The following ADPGK variants were observed in gnomAD, a reference collection of about 807,000 sequenced individuals.
ADPGK encodes the protein ADP-dependent glucokinase.
Under a neutral mutation model 42.4 loss-of-function variants are expected in ADPGK, and 26 were observed. The observed-to-expected ratio is 0.61, with a 90% CI of 0.45 to 0.85. The LOEUF (loss-of-function observed/expected upper bound fraction) is 0.85. Ranked by LOEUF, ADPGK falls within the 40% of genes least tolerant of loss-of-function variation. ADPGK has a pLI of 0.00. For missense variants in ADPGK, 571 were observed against 627.0 expected, an observed-to-expected ratio of 0.91 and a Z score of 0.95; for synonymous variants, 267 against 252.6, an observed-to-expected ratio of 1.06 and a Z score of -0.54.
intron 3 of ADPGK, 140 bp downstream of exon 3, chr15:72,771,643 G>T: frequency 3.0e-6 from 2 of 660,316 alleles, no homozygotes; most frequent in Non-Finnish European, 5.1e-6. Flanking sequence ...TACTATTACT[G>T]CTTCCTAACA....
chr15:72,756,087 C>T, intron 5 of ADPGK, 164 bp downstream of exon 5: 1 of 786,624 alleles, frequency 1.3e-6, no homozygotes, highest in Non-Finnish European at 2.2e-6. Context: ...TGAAGGGATA[C>T]AGTGAGGTGC....
At position 72,752,612 on chromosome 15, in the gene ADPGK, C is replaced by A; in HGVS notation, c.1223G>T (p.Arg408Leu). Residue 408 changes from arginine (R) to leucine (L), a missense_variant, in exon 7 of 7, where the codon CGT becomes CTT. Physicochemically the swap from Arg to Leu is moderately radical, Grantham distance 102. Transcript: ENST00000456471. Reference sequence around the variant, plus strand: ...GGCGCAGGCCTGTGTCCCAGCCACACGAGCTCCTGCAGCCACGGCTGCCAG... The same window carrying A: ...GGCGCAGGCCTGTGTCCCAGCCACAAGAGCTCCTGCAGCCACGGCTGCCAG... ...NQLAAVAAGA[R>L]VAGTQACATE... is the part of the protein sequence containing the mutation. 6.2e-7 allele frequency: 1 copy of A among 1,614,234 alleles called. No individual in the cohort carries two copies. The highest frequency in any genetic ancestry group is 8.5e-7 in the Non-Finnish European group (1 of 1,180,048).
chr15:72,771,699 C>T (rs967578458), intron 3 of ADPGK, 84 bp downstream of exon 3: 18 of 1,299,886 alleles, frequency 1.4e-5, no homozygotes, highest in Non-Finnish European at 1.8e-5. Flanking sequence ...TAAGTTGAAT[C>T]AAGGAATAGA....
At chr15:72,774,358 A>C (rs561694479) in intron 2 of ADPGK, among the ~76,000 whole-genome samples, 1 of 152,282 alleles carries the variant, frequency 6.6e-6, no homozygotes, top group East Asian at 1.9e-4. Context: ...GCATGAGGGT[A>C]CATGTAGGAG....
chr15:72,770,221 T>C (rs1410124335), intron 3 of ADPGK, among the ~76,000 whole-genome samples: 2 of 152,252 alleles, frequency 1.3e-5, no homozygotes, highest in East Asian at 3.8e-4. Flanking sequence ...GTCTTTGAAA[T>C]CATAAGACTG....
intron 4 of ADPGK, chr15:72,756,780 A>G: frequency 2.9e-6 from 1 of 341,328 alleles, no homozygotes; most frequent in Non-Finnish European, 5.5e-6. Flanking sequence ...ACTTCCAAAT[A>G]CCAGCATACA....
At chr15:72,771,715 A>G in intron 3 of ADPGK, 68 bp downstream of exon 3, 1 of 1,435,134 alleles carries the variant, frequency 7.0e-7, no homozygotes, top group Non-Finnish European at 9.7e-7. Context: ...ATAGATACTC[A>G]TTCTTGCTCC....
intron 1 of ADPGK, 128 bp downstream of exon 1, chr15:72,783,331 C>T: frequency 7.8e-7 from 1 of 1,282,868 alleles, no homozygotes; most frequent in East Asian, 3.1e-5. Flanking sequence ...CGACACTTCT[C>T]GCCAAGGGGC....
intron 3 of ADPGK, among the ~76,000 whole-genome samples, chr15:72,767,550 C>T (rs533905372): frequency 6.6e-6 from 1 of 152,148 alleles, no homozygotes; most frequent in African/African-American, 2.4e-5. Context: ...TATTCTGCAC[C>T]ATGAAAAAGG....
At chr15:72,775,409 A>C (rs2066379701) in intron 1 of ADPGK, among the ~76,000 whole-genome samples, 1 of 152,198 alleles carries the variant, frequency 6.6e-6, no homozygotes, top group Non-Finnish European at 1.5e-5. Context: ...TCTGAGAAAA[A>C]CGCTGGCAGA....
intron 1 of ADPGK, among the ~76,000 whole-genome samples, chr15:72,780,914 G>C (rs2066449703): frequency 6.6e-6 from 1 of 152,164 alleles, no homozygotes; most frequent in Non-Finnish European, 1.5e-5. Flanking sequence ...TCATTGCCGA[G>C]TTTGGTTCGG....
intron 1 of ADPGK, among the ~76,000 whole-genome samples, chr15:72,778,629 T>G (rs917287573): frequency 6.6e-6 from 1 of 152,170 alleles, no homozygotes; most frequent in African/African-American, 2.4e-5. Context: ...AGGGCACAGT[T>G]CTCCCTTCTA....
rs747971446 is a variant in ADPGK, at chr15:72,756,408, C to T, written c.683G>A (p.Arg228Gln). 11 of 1,614,166 alleles carry T rather than the reference C, an allele frequency of 6.8e-6. No individual in the cohort carries two copies. The highest frequency in any genetic ancestry group is 9.3e-6 in the Non-Finnish European group (11 of 1,180,040). Residue 228 changes from arginine (R) to glutamine (Q), a missense_variant, in exon 5 of 7, where the codon CGA becomes CAA. Arg to Gln is a conservative substitution (Grantham distance 43, BLOSUM62 1). This residue lies in a region of ADPGK where 434 missense variants were observed against 522.7 expected (regional missense o/e 0.83). Transcript: ENST00000456471. Reference protein sequence around the residue: ...WGQLKAPHANRFIFSHDLSNG... With the variant: ...WGQLKAPHANQFIFSHDLSNG... ...GGAGAGGTCGTGAGAGAAGATGAAT[C>T]GGTTGGCATGGGGAGCTTTTAACTG... is the stretch of plus-strand genomic sequence containing the variant.
At chr15:72,755,861 T>A (rs965404183) in intron 5 of ADPGK, 8 of 660,460 alleles carry the variant, frequency 1.2e-5, no homozygotes, top group Non-Finnish European at 2.0e-5. Context: ...TGCAGAGCCA[T>A]CAGGGATACA....
chr15:72,759,163 C>G (rs1384114602), intron 4 of ADPGK, among the ~76,000 whole-genome samples: 1 of 152,184 alleles, frequency 6.6e-6, no homozygotes, highest in East Asian at 1.9e-4. Flanking sequence ...GTCTTGAACT[C>G]CTGACCTTGT....
intron 1 of ADPGK, among the ~76,000 whole-genome samples, chr15:72,781,870 G>A (rs1273467235): frequency 6.6e-6 from 1 of 152,144 alleles, no homozygotes; most frequent in African/African-American, 2.4e-5. Context: ...AAGGTCATAC[G>A]GGTGAGCCCT....
At chr15:72,767,525 C>G (rs1326831674) in intron 3 of ADPGK, among the ~76,000 whole-genome samples, 1 of 152,064 alleles carries the variant, frequency 6.6e-6, no homozygotes, top group African/African-American at 2.4e-5. Flanking sequence ...CACACAGAAC[C>G]TCACCAAGAT....
chr15:72,752,712 C>A lies in ADPGK; in HGVS notation c.1123G>T (p.Asp375Tyr). 2 of 1,614,160 alleles carry A rather than the reference C, an allele frequency of 1.2e-6. No homozygotes were observed. The highest frequency in any genetic ancestry group is 1.7e-6 in the Non-Finnish European group (2 of 1,180,040). The change falls in exon 7 of 7, where the codon GAT becomes TAT. Residue 375 changes from aspartate to tyrosine, a missense_variant. Asp to Tyr is a radical substitution (Grantham distance 160). This residue lies in a region of ADPGK where 434 missense variants were observed against 522.7 expected (regional missense o/e 0.83). Coordinates refer to ENST00000456471, the MANE Select transcript of ADPGK (RefSeq NM_001365225.1). ...GTGTGGAAATGGATCCTGGTGAGAT[C>A]CGAGGCTCTGCTTTTACTCCTCCCA... ...EHGRSKSRAS[D>Y]LTRIHFHTLV...
Position 72,774,965 on chromosome 15 carries a change from G to A in ADPGK, c.366C>T (p.Phe122=), listed in dbSNP as rs1043247960. 2.5e-6 allele frequency: 4 copies of A among 1,614,078 alleles called. No homozygotes were observed. Among genetic ancestry groups the A allele is most frequent in the Non-Finnish European group, 3.4e-6 (4 of 1,180,042 alleles). The change falls in exon 2 of 7, where the codon TTC becomes TTT. Residue 122 remains phenylalanine (F), a synonymous_variant. Coordinates refer to ENST00000456471, the MANE Select transcript of ADPGK (RefSeq NM_001365225.1). The part of the protein sequence containing the change: ...RNDLEEAFIH[F]MGKGAAAERF... Reference sequence around the variant, plus strand: ...GCTCAGCAGCTGCTCCCTTCCCCATGAAGTGAATGAAGGCTTCTTCCAGAT... The same window carrying A: ...GCTCAGCAGCTGCTCCCTTCCCCATAAAGTGAATGAAGGCTTCTTCCAGAT...
Sources: gnomAD v4.1 joint callset for allele counts (sites outside exome capture counted in the v4.1 genomes callset) on GRCh38, gnomAD v4.1.1 for gene constraint, gnomAD v4.1.1 regional missense constraint, MANE v1.5 for transcripts, NCBI Gene and HGNC (gene_info 2026-07-23, HGNC 2026-07-21) for gene names.